DGKH: variants seen among roughly 807,000 people sequenced by gnomAD.
DGKH encodes the protein DAG kinase eta.
Under a neutral mutation model 159.3 loss-of-function variants are expected in DGKH, and 90 were observed. The ratio of observed to expected loss-of-function variants is 0.57; its 90% CI spans 0.48 to 0.67. The LOEUF (loss-of-function observed/expected upper bound fraction) is 0.67, where lower values mean the gene tolerates loss of function less well. DGKH is among the 30% of genes least tolerant of loss of function. The pLI is 0.00. For synonymous variants in DGKH, 536 were observed against 553.8 expected, an observed-to-expected ratio of 0.97 and a Z score of 0.45; for missense variants, 1,181 against 1,506.1, an observed-to-expected ratio of 0.78 and a Z score of 3.57.
intron 30 of DGKH, among the ~76,000 whole-genome samples, chr13:42,253,608 C>T (rs1022973600): frequency 6.6e-6 from 1 of 152,158 alleles, no homozygotes; most frequent in Non-Finnish European, 1.5e-5. Flanking sequence ...CTGTGAAAGT[C>T]CCCACTTAGA....
intron 24 of DGKH, 53 bp downstream of exon 24, chr13:42,210,818 T>G: frequency 1.3e-6 from 2 of 1,554,244 alleles, no homozygotes; most frequent in Non-Finnish European, 1.7e-6. Context: ...CTCAGCCAAT[T>G]TTTGTTTTTT....
intron 1 of DGKH, chr13:42,070,960 C>A: frequency 7.6e-7 from 1 of 1,311,432 alleles, no homozygotes; most frequent in South Asian, 1.2e-5. Context: ...GATGGCTACT[C>A]TTTTGTCACA....
chr13:42,254,208 A>G (rs1220577873), intron 30 of DGKH, among the ~76,000 whole-genome samples: 1 of 152,240 alleles, frequency 6.6e-6, no homozygotes, highest in Non-Finnish European at 1.5e-5. Flanking sequence ...ATGTATGCAT[A>G]AGTATGTTAA....
At chr13:42,126,467 G>A (rs937147060) in intron 1 of DGKH, among the ~76,000 whole-genome samples, 9 of 152,144 alleles carry the variant, frequency 5.9e-5, no homozygotes, top group Non-Finnish European at 1.2e-4. Context: ...GCAGAAGAAC[G>A]CAGCCATTGT....
Position 42,135,507 on chromosome 13 carries a change from A to AAAAAAAAAAAAAAAAAAAAG in DGKH, c.384+5876_384+5877insAAAAAAAAAAAAAAAAAAGA, listed in dbSNP as rs71096557. 3.8e-3 allele frequency among the ~76,000 whole-genome samples: 426 copies of AAAAAAAAAAAAAAAAAAAAG among 113,194 alleles called. 23 individuals carry two copies. The highest frequency in any genetic ancestry group is 7.5e-3 in the African/African-American group (264 of 35,104). 74.3% of individuals were successfully genotyped at this position (113,194 alleles called of 152,430 possible). A position where few individuals can be genotyped will look rare whatever the true frequency, so the allele number is the denominator to read the frequency against. On this transcript the variant is annotated intron_variant, in intron 3 of 29. Coordinates refer to ENST00000337343, the MANE Select transcript of DGKH (RefSeq NM_178009.5). The stretch of plus-strand genomic sequence containing the variant: ...CCTGTCTCAGAAAAAAAAAAAAAAA[A>AAAAAAAAAAAAAAAAAAAAG]AGAGAGAGAGAGAAAAAGAAAAAAA...
chr13:42,234,905 A>G lies in DGKH; in HGVS notation c.*5717A>G, dbSNP rs1958384181. Reference sequence around the variant, plus strand: ...AGGCCTTCCTAAAGAAGTAACTGCAACTTTTAAAACGTGATGATTATTGGT... The same window carrying G: ...AGGCCTTCCTAAAGAAGTAACTGCAGCTTTTAAAACGTGATGATTATTGGT... On this transcript the variant is annotated 3_prime_UTR_variant, in exon 30 of 30. Transcript: ENST00000337343. 1 of 152,222 alleles carries G rather than the reference A, an allele frequency of 6.6e-6. No homozygotes were observed. 9.4% of individuals were successfully genotyped at this position (152,222 alleles called of 1,614,324 possible).
rs150968110 is a variant in DGKH, at chr13:42,171,616, A to G, written c.1368-2444A>G. Reference sequence around the variant, plus strand: ...TCCAGCTATAAGGAACTTGACTTTTATGTTTCTACTCGTGGTTTTCCCTGT... The same window carrying G: ...TCCAGCTATAAGGAACTTGACTTTTGTGTTTCTACTCGTGGTTTTCCCTGT... On this transcript the variant is annotated intron_variant, in intron 11 of 29. Coordinates refer to ENST00000337343, the MANE Select transcript of DGKH (RefSeq NM_178009.5). Among the ~76,000 whole-genome samples the G allele has an allele frequency of 2.6e-4, 40 of 152,228 alleles. 2 individuals are homozygous for G. In the East Asian group the frequency reaches 7.5e-3, roughly 29 times the overall value.
At chr13:42,178,857 T>G (rs1243299368) in intron 13 of DGKH, among the ~76,000 whole-genome samples, 1 of 152,132 alleles carries the variant, frequency 6.6e-6, no homozygotes, top group Non-Finnish European at 1.5e-5. Context: ...TTTCAACTGA[T>G]AAGCAAAAGA....
intron 13 of DGKH, among the ~76,000 whole-genome samples, chr13:42,181,164 C>T (rs1012450621): frequency 6.6e-6 from 1 of 150,876 alleles, no homozygotes; most frequent in Non-Finnish European, 1.5e-5. Context: ...GTAGTCCTAG[C>T]TACTCGGGAG....
At position 42,159,263 on chromosome 13, in the gene DGKH, T is replaced by TTTTTTTTTTTTTTGTTA; in HGVS notation, c.623-3_623-2insTTTTTTTTTTTTTGTTA. 1 of 1,249,720 alleles carries TTTTTTTTTTTTTTGTTA rather than the reference T, an allele frequency of 8.0e-7. No individual in the cohort carries two copies. The highest frequency in any genetic ancestry group is 1.1e-6 in the Non-Finnish European group (1 of 894,574). 77.4% of individuals were successfully genotyped at this position (1,249,720 alleles called of 1,614,324 possible). A position where few individuals can be genotyped will look rare whatever the true frequency, so the allele number is the denominator to read the frequency against. On this transcript the variant is annotated splice_polypyrimidine_tract_variant and splice_region_variant and intron_variant, in intron 5 of 29. Coordinates refer to ENST00000337343, the MANE Select transcript of DGKH (RefSeq NM_178009.5). ...GTTGCTCTTTTTTTTTTTTTTTTTT[T>TTTTTTTTTTTTTTGTTA]AGTGTGTAAATTCAAGGCTCACAAA...
rs1408569144 is a variant in DGKH at position 42,208,944 on chromosome 13, T to G, written c.2602-15T>G. ...CTAAACATTCAGTAGAAGTGTAATG[T>G]AGTTTTTCTTTCAGATATTTGCTGC... On this transcript the variant is annotated splice_polypyrimidine_tract_variant and intron_variant, in intron 21 of 29. Coordinates refer to ENST00000337343, the MANE Select transcript of DGKH (RefSeq NM_178009.5). 6.3e-7 allele frequency: 1 copy of G among 1,594,910 alleles called. No homozygotes were observed. The highest frequency in any genetic ancestry group is 1.7e-5 in the Admixed American group (1 of 58,272).
Position 42,219,272 on chromosome 13 carries a change from C to A in DGKH, c.3256C>A (p.His1086Asn). The part of the protein sequence containing the change: ...PHEERVSNAL[H>N]SVEVELQKLT... The stretch of plus-strand genomic sequence containing the variant: ...TGAAGAGCGAGTATCCAATGCCTTA[C>A]ACTCTGTGGAGGTGGAATTACAGAA... Residue 1086 changes from histidine to asparagine, a missense_variant, in exon 27 of 30, where the codon CAC becomes AAC. Physicochemically the swap from His to Asn is moderately conservative, Grantham distance 68. This residue lies in a region of DGKH where 335 missense variants were observed against 495.2 expected (regional missense o/e 0.68). Coordinates refer to ENST00000337343, the MANE Select transcript of DGKH (RefSeq NM_178009.5). The A allele has an allele frequency of 6.2e-7, 1 of 1,613,972 alleles. No homozygotes were observed. Among genetic ancestry groups the A allele is most frequent in the Non-Finnish European group, 8.5e-7 (1 of 1,179,910 alleles).
intron 13 of DGKH, 48 bp downstream of exon 13, chr13:42,178,268 A>T: frequency 1.4e-6 from 2 of 1,426,844 alleles, no homozygotes; most frequent in Non-Finnish European, 1.9e-6. Flanking sequence ...ATGAAATGAT[A>T]GCTGGCTCCT....
chr13:42,119,622 T>C (rs1365489131), intron 1 of DGKH, among the ~76,000 whole-genome samples: 2 of 152,278 alleles, frequency 1.3e-5, no homozygotes, highest in South Asian at 2.1e-4. Flanking sequence ...CTTTCTGGGA[T>C]ATTTAAGAGT....
At chr13:42,113,848 G>A (rs1011128562) in intron 1 of DGKH, among the ~76,000 whole-genome samples, 11 of 152,166 alleles carry the variant, frequency 7.2e-5, no homozygotes, top group African/African-American at 2.4e-4. Context: ...GCAATGTTAT[G>A]ATAGGAGACA....
intron 1 of DGKH, among the ~76,000 whole-genome samples, chr13:42,088,929 C>T (rs1253087223): frequency 1.3e-5 from 2 of 151,992 alleles, no homozygotes; most frequent in Non-Finnish European, 2.9e-5. Context: ...AAAAGATATA[C>T]CATGCAAATG....
chr13:42,119,130 G>A (rs542851730), intron 1 of DGKH, among the ~76,000 whole-genome samples: 2 of 152,310 alleles, frequency 1.3e-5, no homozygotes, highest in Admixed American at 1.3e-4. Flanking sequence ...GACACCAGAT[G>A]CTACGGTGAT....
At chr13:42,166,446 C>T (rs1268810815) in intron 8 of DGKH, 69 bp from the exon 9 acceptor site, 2 of 1,303,296 alleles carry the variant, frequency 1.5e-6, no homozygotes, top group East Asian at 2.7e-5. Flanking sequence ...TTTCTTTTCT[C>T]TGAATGTTTG....
chr13:42,165,646 C>G (rs1214473663), intron 8 of DGKH, among the ~76,000 whole-genome samples: 1 of 152,014 alleles, frequency 6.6e-6, no homozygotes, highest in Admixed American at 6.6e-5. Flanking sequence ...GGCGAAATTA[C>G]TGTATATAAG....
Sources: gnomAD v4.1 joint callset for allele counts (sites outside exome capture counted in the v4.1 genomes callset) on GRCh38, gnomAD v4.1.1 for gene constraint, gnomAD v4.1.1 regional missense constraint, MANE v1.5 for transcripts, NCBI Gene and HGNC (gene_info 2026-07-23, HGNC 2026-07-21) for gene names.